The following SWAP70 variants were observed in gnomAD, a reference collection of about 807,000 sequenced individuals.
The protein encoded by SWAP70 is switching B cell complex subunit SWAP70, also known as switch-associated protein 70.
In SWAP70, 34 loss-of-function variants were observed where a neutral mutation model predicts 80.2. The observed-to-expected ratio is 0.42, with a 90% confidence interval of 0.32 to 0.56. The LOEUF is 0.56. SWAP70 is among the 20% of genes least tolerant of loss of function. The pLI is 0.09. For synonymous variants in SWAP70, 239 were observed against 238.5 expected (o/e 1.00, Z -0.02); for missense variants, 578 against 690.7 (o/e 0.84, Z 1.83).
intron 10 of SWAP70, 81 bp from the exon 11 acceptor site, chr11:9,749,006 C>T (rs926205592): frequency 4.4e-5 from 33 of 746,634 alleles, no homozygotes; most frequent in Non-Finnish European, 6.5e-5. Flanking sequence ...TTCACAAATA[C>T]ATAGTAAGGG....
At chr11:9,713,867 G>A (rs1851031236) in intron 3 of SWAP70, among the ~76,000 whole-genome samples, 1 of 152,142 alleles carries the variant, frequency 6.6e-6, no homozygotes, top group East Asian at 1.9e-4. Flanking sequence ...TCTCTAAATG[G>A]CTATGATGAT....
intron 9 of SWAP70, among the ~76,000 whole-genome samples, chr11:9,745,730 G>A (rs943026920): frequency 2.0e-5 from 3 of 152,190 alleles, no homozygotes; most frequent in Non-Finnish European, 2.9e-5. Context: ...GATGGTAGGT[G>A]TAGTTTCTAT....
chr11:9,668,131 C>T (rs148576855), intron 1 of SWAP70, among the ~76,000 whole-genome samples: 282 of 152,326 alleles, frequency 1.9e-3, no homozygotes, highest in African/African-American at 6.6e-3. Context: ...TCAGGTGATC[C>T]ACCCGCCTTG....
At chr11:9,701,443 A>T (rs958868959) in intron 2 of SWAP70, among the ~76,000 whole-genome samples, 4 of 151,786 alleles carry the variant, frequency 2.6e-5, no homozygotes, top group African/African-American at 9.7e-5. Flanking sequence ...AAATGCTGGG[A>T]TTATAGGCGT....
At chr11:9,712,584 A>G (rs1851011971) in intron 2 of SWAP70, among the ~76,000 whole-genome samples, 1 of 152,208 alleles carries the variant, frequency 6.6e-6, no homozygotes, top group Non-Finnish European at 1.5e-5. Context: ...AAAATAGGCC[A>G]GGCACAGTGG....
chr11:9,721,028 C>T (rs1426154267), intron 3 of SWAP70, among the ~76,000 whole-genome samples: 1 of 152,190 alleles, frequency 6.6e-6, no homozygotes, highest in Non-Finnish European at 1.5e-5. Context: ...GTTGGCCAGG[C>T]TGGTCTGGAA....
At chr11:9,666,126 C>T (rs1373006659) in intron 1 of SWAP70, among the ~76,000 whole-genome samples, 3 of 149,778 alleles carry the variant, frequency 2.0e-5, no homozygotes, top group Non-Finnish European at 4.4e-5. Context: ...TGCCCTGTTG[C>T]CCAGGCTGGA....
Position 9,693,734 on chromosome 11 carries a change from A to G in SWAP70, c.100-412A>G, listed in dbSNP as rs114148819. Among the ~76,000 whole-genome samples the G allele has an allele frequency of 6.2e-3, 945 of 152,220 alleles. 13 individuals carry two copies. Among genetic ancestry groups the G allele is most frequent in the African/African-American group, 0.021 (893 of 41,552 alleles). On this transcript the variant is annotated intron_variant, in intron 1 of 11. Transcript: ENST00000318950. Reference sequence around the variant, plus strand: ...AACCCCTGGCTGCAGCCTCCCAATAATACCAGGTTCTTTCTCTGAACAGCT... The same window carrying G: ...AACCCCTGGCTGCAGCCTCCCAATAGTACCAGGTTCTTTCTCTGAACAGCT...
At position 9,720,400 on chromosome 11, in the gene SWAP70, G is replaced by T. The variant is rs146890295; in HGVS notation, c.415-4258G>T. 1.3e-5 allele frequency: 13 copies of T among 985,272 alleles called. No homozygotes were observed. In the East Asian group the frequency reaches 4.5e-4, roughly 34 times the overall value. The allele number at this position is 985,272 out of a possible 1,614,324, so 61.0% of individuals were successfully genotyped here. A position where few individuals can be genotyped will look rare whatever the true frequency, so the allele number is the denominator to read the frequency against. ...AGAGCTGAGTTTGCTACTAATAGGCGCTTTCTGAGTTACAAACATAACAAG... is the reference window on the plus strand; with the variant it reads ...AGAGCTGAGTTTGCTACTAATAGGCTCTTTCTGAGTTACAAACATAACAAG... On this transcript the variant is annotated intron_variant, in intron 3 of 11. Transcript: ENST00000318950.
chr11:9,751,894 G>C lies in SWAP70; in HGVS notation c.*1924G>C, dbSNP rs1851594914. On this transcript the variant is annotated 3_prime_UTR_variant, in exon 12 of 12. Coordinates refer to ENST00000318950, the MANE Select transcript of SWAP70 (RefSeq NM_015055.4). The stretch of plus-strand genomic sequence containing the variant: ...CATGTGCCTTTGAAATTTGACAGCT[G>C]ATTTGGGTGTTGGATTTCTGCCCAG... 1 of 152,164 alleles carries C rather than the reference G, an allele frequency of 6.6e-6. No homozygotes were observed. The highest frequency in any genetic ancestry group is 2.4e-5 in the African/African-American group (1 of 41,426). The allele number at this position is 152,164 out of a possible 1,614,324, so 9.4% of individuals were successfully genotyped here.
At chr11:9,730,836 T>C (rs981179417) in intron 6 of SWAP70, among the ~76,000 whole-genome samples, 1 of 152,206 alleles carries the variant, frequency 6.6e-6, no homozygotes, top group South Asian at 2.1e-4. Context: ...CATGGGTATA[T>C]GTGTAATGCC....
intron 6 of SWAP70, among the ~76,000 whole-genome samples, chr11:9,730,464 A>G (rs575744414): frequency 6.6e-6 from 1 of 152,040 alleles, no homozygotes; most frequent in African/African-American, 2.4e-5. Flanking sequence ...TTATGACTGA[A>G]TAGTATTCCA....
At chr11:9,746,674 A>G (rs1439023587) in intron 9 of SWAP70, among the ~76,000 whole-genome samples, 1 of 152,374 alleles carries the variant, frequency 6.6e-6, no homozygotes, top group South Asian at 2.1e-4. Flanking sequence ...TCCAGTTGCG[A>G]AAGGGCTATC....
chr11:9,676,910 C>T (rs1850508693), intron 1 of SWAP70, among the ~76,000 whole-genome samples: 2 of 152,082 alleles, frequency 1.3e-5, no homozygotes, highest in African/African-American at 4.8e-5. Flanking sequence ...GCCTCGGCCT[C>T]CCAAAGTGCT....
chr11:9,713,446 T>C lies in SWAP70; in HGVS notation c.241-20T>C. The C allele has an allele frequency of 6.2e-7, 1 of 1,601,058 alleles. No individual in the cohort carries two copies. Among genetic ancestry groups the C allele is most frequent in the East Asian group, 2.2e-5 (1 of 44,740 alleles). On this transcript the variant is annotated intron_variant, in intron 2 of 11. Coordinates refer to ENST00000318950, the MANE Select transcript of SWAP70 (RefSeq NM_015055.4). Reference sequence around the variant, plus strand: ...TTATATCGGACTGATTTGTTGGAGTTTTTCCTTATTCCTTTTTAGGTCCAA... The same window carrying C: ...TTATATCGGACTGATTTGTTGGAGTCTTTCCTTATTCCTTTTTAGGTCCAA...
chr11:9,672,196 T>TAC (rs1491185382), intron 1 of SWAP70, among the ~76,000 whole-genome samples: 3 of 2,376 alleles, frequency 1.3e-3, no homozygotes, highest in Non-Finnish European at 3.2e-3. Context: ...TGTGTGTGTC[T>TAC]ATATATATAT....
chr11:9,728,885 GT>G (rs1290876059), intron 5 of SWAP70, among the ~76,000 whole-genome samples: 1 of 152,172 alleles, frequency 6.6e-6, no homozygotes, highest in African/African-American at 2.4e-5. Context: ...CCAAAGGCCA[GT>G]TTACTCATAA....
At chr11:9,735,656 C>T (rs966108250) in intron 7 of SWAP70, among the ~76,000 whole-genome samples, 1 of 152,206 alleles carries the variant, frequency 6.6e-6, no homozygotes, top group East Asian at 1.9e-4. Context: ...CAATGCGGTG[C>T]TCCAGCCTAG....
At chr11:9,745,739 A>G (rs186539186) in intron 9 of SWAP70, among the ~76,000 whole-genome samples, 1 of 152,224 alleles carries the variant, frequency 6.6e-6, no homozygotes, top group African/African-American at 2.4e-5. Flanking sequence ...TGTAGTTTCT[A>G]TTCCTTTTTT....
Sources: allele counts gnomAD v4.1 joint callset (sites outside exome capture counted in the v4.1 genomes callset), GRCh38; gene constraint gnomAD v4.1.1; transcripts MANE v1.5; gene names NCBI Gene and HGNC (gene_info 2026-07-23, HGNC 2026-07-21).